Variants in PTK7 observed in about 807,000 individuals in gnomAD.
The protein encoded by PTK7 is inactive tyrosine-protein kinase 7.
A neutral mutation model predicts 116.6 loss-of-function variants in PTK7; 39 were observed. The ratio of observed to expected loss-of-function variants is 0.33; its 90% CI spans 0.26 to 0.44. PTK7 has a LOEUF of 0.44. PTK7 is among the 20% of genes least tolerant of loss of function. The probability of loss-of-function intolerance (pLI) is 1.00; values close to 1 mark genes in which losing one functional copy is unlikely to be tolerated. For missense variants in PTK7, 1,169 were observed against 1,425.6 expected (o/e 0.82, Z 2.90); for synonymous variants, 546 against 563.6 (o/e 0.97, Z 0.44).
chr6:43,097,156 C>T (rs1476527630), intron 1 of PTK7, among the ~76,000 whole-genome samples: 1 of 152,192 alleles, frequency 6.6e-6, no homozygotes, highest in African/African-American at 2.4e-5. Flanking sequence ...ATTTCTTCCT[C>T]TCCAGGGACC....
Position 43,141,867 on chromosome 6 carries a change from C to A in PTK7, c.1768+50C>A. The A allele has an allele frequency of 6.2e-7, 1 of 1,601,548 alleles. No homozygotes were observed. The highest frequency in any genetic ancestry group is 8.5e-7 in the Non-Finnish European group (1 of 1,172,382). Reference sequence around the variant, plus strand: ...GCTGGGAGGGCCCTCTGGGGTAGCACCGTGTACCCTGCCAGCCCCTTGGCT... The same window carrying A: ...GCTGGGAGGGCCCTCTGGGGTAGCAACGTGTACCCTGCCAGCCCCTTGGCT... On this transcript the variant is annotated intron_variant, in intron 11 of 19. Transcript: ENST00000230419. The surrounding 1 kb of genome is among the most constrained non-coding windows in gnomAD (Gnocchi z 4.9).
chr6:43,121,056 GTTTTTTTTT>G (rs564738874), intron 1 of PTK7, among the ~76,000 whole-genome samples: 2 of 119,724 alleles, frequency 1.7e-5, no homozygotes, highest in African/African-American at 3.3e-5. Flanking sequence ...CCATGTTTCT[GTTTTTTTTT>G]TTTTTTTTTT....
chr6:43,132,030 G>A lies in PTK7; in HGVS notation c.827G>A (p.Arg276His), dbSNP rs56188167. Reference protein sequence around the residue: ...ITNRSRPPHLRRATVFANGSL... With the variant: ...ITNRSRPPHLHRATVFANGSL... Reference sequence around the variant, plus strand: ...CCCCTCTGCAGCCCCCCACACCTCCGCAGAGCCACAGTGTTTGCCAACGGG... The same window carrying A: ...CCCCTCTGCAGCCCCCCACACCTCCACAGAGCCACAGTGTTTGCCAACGGG... The change falls in exon 6 of 20, where the codon CGC becomes CAC. Residue 276 changes from arginine (R) to histidine (H), a missense_variant. By Grantham distance (29) the Arg-to-His change is conservative (BLOSUM62 0). This residue lies in a region of PTK7 where 487 missense variants were observed against 549.8 expected (regional missense o/e 0.89). Coordinates refer to ENST00000230419, the MANE Select transcript of PTK7 (RefSeq NM_002821.5). 2.7e-5 allele frequency: 44 copies of A among 1,613,784 alleles called. No individual in the cohort carries two copies. Among genetic ancestry groups the A allele is most frequent in the Non-Finnish European group, 3.5e-5 (41 of 1,180,006 alleles).
At chr6:43,079,283 C>T (rs1766231563) in intron 1 of PTK7, among the ~76,000 whole-genome samples, 1 of 151,912 alleles carries the variant, frequency 6.6e-6, no homozygotes, top group African/African-American at 2.4e-5. Context: ...CTGGCTAACA[C>T]GGTGAAACCC....
chr6:43,160,617 G>A, intron 19 of PTK7, 104 bp from the exon 20 acceptor site: 1 of 1,449,122 alleles, frequency 6.9e-7, no homozygotes, highest in Non-Finnish European at 9.5e-7. Context: ...CATTGCCCCA[G>A]AGGCATCCTT....
At chr6:43,144,290 C>T (rs1165697061) in intron 14 of PTK7, 161 bp from the exon 15 acceptor site, 1 of 825,822 alleles carries the variant, frequency 1.2e-6, no homozygotes, top group Non-Finnish European at 1.9e-6. Context: ...CCCACCCAGC[C>T]CCAGCCCCAT....
chr6:43,108,422 C>G (rs1768015522), intron 1 of PTK7, among the ~76,000 whole-genome samples: 1 of 133,046 alleles, frequency 7.5e-6, no homozygotes, highest in South Asian at 2.4e-4. Flanking sequence ...CCTTTAAAGA[C>G]AGGGTCTCAG....
chr6:43,131,541 G>A (rs1190813160), intron 5 of PTK7, among the ~76,000 whole-genome samples: 1 of 152,230 alleles, frequency 6.6e-6, no homozygotes, highest in Non-Finnish European at 1.5e-5. Context: ...ATGGATGGCA[G>A]CAGGCAAAGG....
chr6:43,096,476 G>A (rs796436706), intron 1 of PTK7, among the ~76,000 whole-genome samples: 16 of 152,224 alleles, frequency 1.1e-4, no homozygotes, highest in African/African-American at 2.6e-4. Context: ...GGTGGTGACC[G>A]GACAAGCCTT....
chr6:43,081,204 T>A (rs1442312780), intron 1 of PTK7, among the ~76,000 whole-genome samples: 2 of 152,298 alleles, frequency 1.3e-5, no homozygotes, highest in East Asian at 3.9e-4. Flanking sequence ...CCCCACCGCC[T>A]CTTCTTCCCT....
chr6:43,123,933 G>A (rs1278205700), intron 1 of PTK7, among the ~76,000 whole-genome samples: 3 of 152,208 alleles, frequency 2.0e-5, no homozygotes, highest in Admixed American at 2.0e-4. Context: ...TCACGGCAAA[G>A]AAGGGTGCAG....
At chr6:43,130,451 G>A (rs1355479403) in intron 4 of PTK7, 31 bp downstream of exon 4, 5 of 1,607,052 alleles carry the variant, frequency 3.1e-6, no homozygotes, top group Non-Finnish European at 4.3e-6. Flanking sequence ...GAAGGGATGA[G>A]GTGAGCACAG....
rs1040826255 is a variant in PTK7, at chr6:43,141,033, C to G, written c.1619-635C>G. 1.1e-4 allele frequency among the ~76,000 whole-genome samples: 16 copies of G among 152,028 alleles called. No homozygotes were observed. The highest frequency in any genetic ancestry group is 3.9e-4 in the African/African-American group (16 of 41,372). On this transcript the variant is annotated intron_variant, in intron 10 of 19. Transcript: ENST00000230419. This position sits in a 1 kb window ranked among gnomAD's most constrained non-coding sequence, Gnocchi z 4.9. Reference sequence around the variant, plus strand: ...AGATTTGGGTTGTTAACCAGCCACCCACCCACCCCCTTTTTTTTCATTGCT... The same window carrying G: ...AGATTTGGGTTGTTAACCAGCCACCGACCCACCCCCTTTTTTTTCATTGCT...
At chr6:43,149,236 G>T (rs1385590091) in intron 17 of PTK7, among the ~76,000 whole-genome samples, 1 of 151,696 alleles carries the variant, frequency 6.6e-6, no homozygotes, top group African/African-American at 2.4e-5. Flanking sequence ...CCTGGGCATG[G>T]TGTCACGTGC....
intron 17 of PTK7, among the ~76,000 whole-genome samples, chr6:43,158,597 G>A (rs1422714340): frequency 6.6e-6 from 1 of 152,208 alleles, no homozygotes; most frequent in Non-Finnish European, 1.5e-5. Flanking sequence ...TCAGCATGGT[G>A]TCAGGCACTT....
intron 13 of PTK7, chr6:43,142,727 CTCTGGGGACTTGTTTCTGCATCCA>C: frequency 4.3e-6 from 1 of 230,186 alleles, no homozygotes; most frequent in South Asian, 6.3e-5. Flanking sequence ...CTTATTTCTC[CTCTGGGGACTTGTTTCTGCATCCA>C]CAGGTGAAAG....
rs770701952 is a variant in PTK7 at position 43,132,478 on chromosome 6, G to A, written c.1019G>A (p.Arg340His). ...PRVFTAGSEE[R>H]VTCLPPKGLP... is the part of the protein sequence containing the mutation. ...GTGTTTACAGCTGGCAGCGAGGAGC[G>A]TGTGACCTGCCTTCCCCCCAAGGGT... Residue 340 changes from arginine (R) to histidine (H), a missense_variant, in exon 7 of 20, where the codon CGT becomes CAT. This residue lies in a region of PTK7 where 487 missense variants were observed against 549.8 expected (regional missense o/e 0.89). Transcript: ENST00000230419. 2.2e-5 allele frequency: 35 copies of A among 1,601,256 alleles called. No individual in the cohort carries two copies. Among genetic ancestry groups the A allele is most frequent in the Admixed American group, 1.3e-4 (8 of 59,630 alleles).
chr6:43,153,379 C>T (rs1771243127), intron 17 of PTK7, among the ~76,000 whole-genome samples: 1 of 151,840 alleles, frequency 6.6e-6, no homozygotes, highest in Non-Finnish European at 1.5e-5. Context: ...TCCCAAAGTG[C>T]TGGGATTACA....
rs767428264 is a variant in PTK7, at chr6:43,112,246, A to T, written c.80-16731A>T. The stretch of plus-strand genomic sequence containing the variant: ...GCAGGTGTTGCTGCTAGCCAGTTTT[A>T]TTTATTTATTTATTTATTTATTTAT... On this transcript the variant is annotated intron_variant, in intron 1 of 19. Coordinates refer to ENST00000230419, the MANE Select transcript of PTK7 (RefSeq NM_002821.5). Among the ~76,000 whole-genome samples, 148 of 82,142 alleles carry T rather than the reference A, an allele frequency of 1.8e-3. 1 individual carries two copies. The highest frequency in any genetic ancestry group is 1.4e-3 in the Non-Finnish European group (62 of 45,874). The allele number at this position is 82,142 out of a possible 152,430, so 53.9% of individuals were successfully genotyped here.
Sources: gnomAD v4.1 joint callset for allele counts (sites outside exome capture counted in the v4.1 genomes callset) on GRCh38, gnomAD v4.1.1 for gene constraint, gnomAD v4.1.1 regional missense constraint, Gnocchi (gnomAD v3.1) non-coding constraint, MANE v1.5 for transcripts, NCBI Gene and HGNC (gene_info 2026-07-23, HGNC 2026-07-21) for gene names.